The following SMIM23 variants were observed in gnomAD, a reference collection of about 807,000 sequenced individuals.
SMIM23 encodes the protein CTB-78H18.1.
SMIM23 carries 10 observed loss-of-function variants against 12.8 expected under a neutral mutation model. The ratio of observed to expected loss-of-function variants is 0.78; its 90% CI spans 0.48 to 1.32. The LOEUF is 1.32. Among genes scored for constraint, SMIM23 ranks in the 40% most tolerant of loss-of-function variants. The pLI, the probability that SMIM23 is intolerant of heterozygous loss-of-function variation, is 0.00. For missense variants in SMIM23, 184 were observed against 198.2 expected (o/e 0.93, Z 0.43); for synonymous variants, 78 against 80.1 (o/e 0.97, Z 0.14).
chr5:171,789,621 T>C (rs745785471), intron 1 of SMIM23, among the ~76,000 whole-genome samples: 18 of 152,146 alleles, frequency 1.2e-4, no homozygotes, highest in Admixed American at 2.0e-4. Context: ...ATCAATAAAA[T>C]TGAGCACAAA....
chr5:171,783,323 AAGCCCTGTGAG>A (rs1248963349), upstream of SMIM23, among the ~76,000 whole-genome samples: 10 of 152,230 alleles, frequency 6.6e-5, no homozygotes, highest in Admixed American at 5.9e-4. Flanking sequence ...GGAAAGGCAT[AAGCCCTGTGAG>A]AGCTGAAACA....
chr5:171,775,301 C>T, the SMIM23 span, among the ~76,000 whole-genome samples: 85 of 152,294 alleles, frequency 5.6e-4, no homozygotes, highest in South Asian at 0.017. Context: ...GGCGCTGCCT[C>T]ACACTCCAGC....
chr5:171,788,979 A>G (rs1755869317), intron 1 of SMIM23, among the ~76,000 whole-genome samples: 1 of 152,228 alleles, frequency 6.6e-6, no homozygotes, highest in African/African-American at 2.4e-5. Flanking sequence ...AGCTGGAATT[A>G]CAGGCACCGG....
intron 1 of SMIM23, among the ~76,000 whole-genome samples, chr5:171,787,380 A>C (rs987323295): frequency 6.6e-6 from 1 of 152,166 alleles, no homozygotes; most frequent in Non-Finnish European, 1.5e-5. Flanking sequence ...GGCTCAGAGA[A>C]ATTATTTGGC....
the SMIM23 span, among the ~76,000 whole-genome samples, chr5:171,773,459 A>G: frequency 6.8e-6 from 1 of 147,918 alleles, no homozygotes; most frequent in Non-Finnish European, 1.5e-5. Flanking sequence ...AATCCAATTA[A>G]CAGATAATTA....
At chr5:171,780,368 C>T (rs562842184), upstream of SMIM23, among the ~76,000 whole-genome samples, 15 of 152,202 alleles carry the variant, frequency 9.9e-5, no homozygotes, top group South Asian at 3.1e-3. Context: ...CTGCCAGTCC[C>T]CCGCCCACAC....
chr5:171,779,082 C>G (rs17073959), upstream of SMIM23, among the ~76,000 whole-genome samples: 1 of 152,178 alleles, frequency 6.6e-6, no homozygotes, highest in Non-Finnish European at 1.5e-5. Flanking sequence ...TTGAGCACAG[C>G]AGACACACAA....
chr5:171,778,177 C>T (rs9313562), upstream of SMIM23, among the ~76,000 whole-genome samples: 24,629 of 151,876 alleles, frequency 0.16, 2,395 homozygotes, highest in African/African-American at 0.26. Flanking sequence ...CTGGCCAACA[C>T]GGTGAAACCC....
rs114399991 is a variant in SMIM23, at chr5:171,790,474, T to G, written c.158-8T>G. Reference sequence around the variant, plus strand: ...GCTCTTCAGAGGTGATGTTTGTGCCTGTTTCAGGAAGCAGTTGGGAGGTGT... The same window carrying G: ...GCTCTTCAGAGGTGATGTTTGTGCCGGTTTCAGGAAGCAGTTGGGAGGTGT... On this transcript the variant is annotated splice_region_variant and splice_polypyrimidine_tract_variant and intron_variant, in intron 2 of 3. Coordinates refer to ENST00000523047, the MANE Select transcript of SMIM23 (RefSeq NM_001289970.2). 1,624 of 1,536,718 alleles carry G rather than the reference T, an allele frequency of 1.1e-3. 25 individuals carry two copies. In the African/African-American group the frequency reaches 0.02, roughly 19 times the overall value.
rs553307772 is a variant in SMIM23 at position 171,790,816 on chromosome 5, G to C, written c.247G>C (p.Glu83Gln). 1.3e-6 allele frequency: 2 copies of C among 1,536,100 alleles called. No homozygotes were observed. The highest frequency in any genetic ancestry group is 1.7e-6 in the Non-Finnish European group (2 of 1,146,916). Residue 83 changes from glutamate (E) to glutamine (Q), a missense_variant, in exon 4 of 4, where the codon GAG (glutamate) becomes CAG (glutamine). By Grantham distance (29) the Glu-to-Gln change is conservative. Transcript: ENST00000523047. Reference protein sequence around the residue: ...VPQGLEYQTNEPSEEPIKTIR... With the variant: ...VPQGLEYQTNQPSEEPIKTIR... ...CCAGGGGCTTGAATATCAGACCAACGAGCCCTCAGAAGAACCGATAAAGAC... is the reference window on the plus strand; with the variant it reads ...CCAGGGGCTTGAATATCAGACCAACCAGCCCTCAGAAGAACCGATAAAGAC...
rs889338743 is a variant in SMIM23 at position 171,785,856 on chromosome 5, A to G, written c.-16A>G. The stretch of plus-strand genomic sequence containing the variant: ...TCTGTTGAGTGTGGTCCACCCAGGC[A>G]GCCAGATCTGAGGCCATGGCAACCC... On this transcript the variant is annotated 5_prime_UTR_variant, in exon 1 of 4. Transcript: ENST00000523047. 2 of 1,533,886 alleles carry G rather than the reference A, an allele frequency of 1.3e-6. No homozygotes were observed. Among genetic ancestry groups the G allele is most frequent in the South Asian group, 1.2e-5 (1 of 84,026 alleles).
chr5:171,775,006 G>C, the SMIM23 span, among the ~76,000 whole-genome samples: 2 of 152,280 alleles, frequency 1.3e-5, no homozygotes, highest in South Asian at 2.1e-4. Flanking sequence ...AGTCAGAACA[G>C]AGGCAGGATT....
chr5:171,789,763 A>G (rs1755887962), intron 1 of SMIM23, among the ~76,000 whole-genome samples: 1 of 152,202 alleles, frequency 6.6e-6, no homozygotes, highest in Non-Finnish European at 1.5e-5. Context: ...AAACAGATTA[A>G]TGGTTCTCTC....
At chr5:171,782,160 G>T (rs1011510731), upstream of SMIM23, among the ~76,000 whole-genome samples, 4 of 152,232 alleles carry the variant, frequency 2.6e-5, no homozygotes, top group African/African-American at 9.6e-5. Context: ...CACCGTGAGG[G>T]TTTGCAGCTT....
rs1005266613 is a variant in SMIM23, at chr5:171,790,825, G to C, written c.256G>C (p.Glu86Gln). Residue 86 changes from glutamate to glutamine, a missense_variant, in exon 4 of 4, where the codon GAA (glutamate) becomes CAA (glutamine). Coordinates refer to ENST00000523047, the MANE Select transcript of SMIM23 (RefSeq NM_001289970.2). The stretch of plus-strand genomic sequence containing the variant: ...TGAATATCAGACCAACGAGCCCTCA[G>C]AAGAACCGATAAAGACCATCAGGAA... ...GLEYQTNEPS[E>Q]EPIKTIRNWL... 2.0e-6 allele frequency: 3 copies of C among 1,536,140 alleles called. No individual in the cohort carries two copies. Among genetic ancestry groups the C allele is most frequent in the African/African-American group, 1.4e-5 (1 of 73,162 alleles).
Position 171,790,877 on chromosome 5 carries a change from T to A in SMIM23, c.308T>A (p.Phe103Tyr), listed in dbSNP as rs1581076964. Reference sequence around the variant, plus strand: ...TGGCTGAAGGAGAAGTTGCATGTCTTCTCGGAGAAGTTAGAGGAAGAGGTG... The same window carrying A: ...TGGCTGAAGGAGAAGTTGCATGTCTACTCGGAGAAGTTAGAGGAAGAGGTG... ...RNWLKEKLHV[F>Y]SEKLEEEVQQ... The change falls in exon 4 of 4, where the codon TTC (phenylalanine) becomes TAC (tyrosine). Residue 103 changes from phenylalanine (F) to tyrosine (Y), a missense_variant. Coordinates refer to ENST00000523047, the MANE Select transcript of SMIM23 (RefSeq NM_001289970.2). 4 of 1,536,096 alleles carry A rather than the reference T, an allele frequency of 2.6e-6. No homozygotes were observed. Among genetic ancestry groups the A allele is most frequent in the Non-Finnish European group, 3.5e-6 (4 of 1,146,908 alleles).
At chr5:171,775,573 C>A in the SMIM23 span, among the ~76,000 whole-genome samples, 1 of 152,170 alleles carries the variant, frequency 6.6e-6, no homozygotes, top group Non-Finnish European at 1.5e-5. Flanking sequence ...CCCCTGAAGA[C>A]CCTGATCTCC....
the SMIM23 span, chr5:171,774,469 T>C: frequency 2.2e-6 from 1 of 456,206 alleles, no homozygotes; most frequent in Non-Finnish European, 4.4e-6. Flanking sequence ...TCTCCCCCAA[T>C]CCCCATGGGC....
At chr5:171,775,477 G>T in the SMIM23 span, among the ~76,000 whole-genome samples, 1 of 152,142 alleles carries the variant, frequency 6.6e-6, no homozygotes, top group Non-Finnish European at 1.5e-5. Flanking sequence ...AAAACACAGT[G>T]GTCCTCCCCA....
Sources: allele counts gnomAD v4.1 joint callset (sites outside exome capture counted in the v4.1 genomes callset), GRCh38; gene constraint gnomAD v4.1.1; transcripts MANE v1.5; gene names NCBI Gene and HGNC (gene_info 2026-07-23, HGNC 2026-07-21).